Variants in PCDH15 observed in about 807,000 individuals in gnomAD.
PCDH15 encodes protocadherin related 15.
In PCDH15, 129 loss-of-function variants were observed where a neutral mutation model predicts 178.5. The observed-to-expected ratio is 0.72, with a 90% CI of 0.63 to 0.84. The LOEUF (loss-of-function observed/expected upper bound fraction) is 0.84, where lower values mean the gene tolerates loss of function less well. PCDH15 is among the 40% of genes least tolerant of loss of function. The pLI is 0.00. For missense variants in PCDH15, 2,230 were observed against 2,099.9 expected (o/e 1.06, Z -1.21); for synonymous variants, 800 against 732.0 (o/e 1.09, Z -1.50).
At chr10:54,340,257 C>A (rs1398272605) in intron 6 of PCDH15, among the ~76,000 whole-genome samples, 1 of 152,016 alleles carries the variant, frequency 6.6e-6, no homozygotes, top group Admixed American at 6.6e-5. Context: ...CAAGTGGTCT[C>A]TTTTTATTGT....
chr10:54,139,557 C>T (rs938865419), intron 14 of PCDH15, among the ~76,000 whole-genome samples: 11 of 152,068 alleles, frequency 7.2e-5, no homozygotes, highest in South Asian at 2.1e-4. Context: ...GAATGGTTCT[C>T]ATCTGTAAAA....
At chr10:55,352,702 T>C (rs1900494) in intron 2 of PCDH15, among the ~76,000 whole-genome samples, 83,698 of 151,912 alleles carry the variant, frequency 0.55, 23,606 homozygotes, top group African/African-American at 0.66. Flanking sequence ...TAAGCAAAAG[T>C]AAGGCTCCAT....
At chr10:53,951,543 C>T (rs2087047681) in intron 23 of PCDH15, among the ~76,000 whole-genome samples, 1 of 152,144 alleles carries the variant, frequency 6.6e-6, no homozygotes, top group African/African-American at 2.4e-5. Context: ...AAAATAGAAA[C>T]TGAAGGAACC....
intron 13 of PCDH15, among the ~76,000 whole-genome samples, chr10:54,173,847 A>T (rs117797242): frequency 5.4e-4 from 83 of 152,326 alleles, no homozygotes; most frequent in Admixed American, 9.8e-4. Flanking sequence ...AGAAATCAGG[A>T]TGCTCCAAGA....
chr10:54,227,678 C>A (rs1564732067), intron 9 of PCDH15, among the ~76,000 whole-genome samples: 1 of 152,192 alleles, frequency 6.6e-6, no homozygotes, highest in Non-Finnish European at 1.5e-5. Context: ...AATTATCAGG[C>A]TGTAAATATT....
At chr10:54,081,654 A>G (rs1484634612) in intron 16 of PCDH15, among the ~76,000 whole-genome samples, 2 of 152,224 alleles carry the variant, frequency 1.3e-5, no homozygotes, top group East Asian at 1.9e-4. Context: ...AGCTCACAAA[A>G]AGTCTTATTA....
intron 3 of PCDH15, among the ~76,000 whole-genome samples, chr10:54,399,217 G>A (rs1424261129): frequency 6.6e-6 from 1 of 151,962 alleles, no homozygotes; most frequent in African/African-American, 2.4e-5. Context: ...GAAGAGAGTT[G>A]CAGACAACTT....
chr10:55,323,535 G>T (rs907018623), upstream of PCDH15, among the ~76,000 whole-genome samples: 3 of 152,212 alleles, frequency 2.0e-5, no homozygotes, highest in Admixed American at 6.5e-5. Flanking sequence ...TGACCTGGAT[G>T]TGAGACATGG....
chr10:53,811,671 C>G, intron 35 of PCDH15, 52 bp from the exon 36 acceptor site: 1 of 1,195,766 alleles, frequency 8.4e-7, no homozygotes, highest in Non-Finnish European at 1.2e-6. Context: ...TATCACGTTT[C>G]AGGTCAAAGT....
At chr10:54,996,575 G>T (rs1440253882) in intron 2 of PCDH15, among the ~76,000 whole-genome samples, 1 of 152,086 alleles carries the variant, frequency 6.6e-6, no homozygotes, top group East Asian at 1.9e-4. Context: ...GTCTGTATGG[G>T]CTTGTGAGCC....
At chr10:54,820,139 T>C (rs1046584045) in intron 3 of PCDH15, among the ~76,000 whole-genome samples, 5 of 151,988 alleles carry the variant, frequency 3.3e-5, no homozygotes, top group Non-Finnish European at 7.4e-5. Context: ...GTAATCTTAG[T>C]AGGACAGGGA....
At chr10:54,429,853 G>A (rs143867106) in intron 3 of PCDH15, among the ~76,000 whole-genome samples, 17 of 152,108 alleles carry the variant, frequency 1.1e-4, no homozygotes, top group African/African-American at 4.1e-4. Flanking sequence ...TATTATTAGC[G>A]ATAAAGAGAG....
intron 1 of PCDH15, among the ~76,000 whole-genome samples, chr10:54,765,359 G>A (rs1360936689): frequency 2.0e-5 from 3 of 152,062 alleles, no homozygotes; most frequent in African/African-American, 7.2e-5. Flanking sequence ...TCTCAAACCT[G>A]TTTAGTGCAA....
intron 8 of PCDH15, among the ~76,000 whole-genome samples, chr10:54,237,266 A>T (rs533290125): frequency 6.6e-6 from 1 of 152,166 alleles, no homozygotes; most frequent in Non-Finnish European, 1.5e-5. Context: ...ATAGTTTATG[A>T]AGTAATGTTT....
At chr10:54,051,485 T>G (rs1050259467) in intron 18 of PCDH15, among the ~76,000 whole-genome samples, 4 of 152,110 alleles carry the variant, frequency 2.6e-5, no homozygotes, top group Non-Finnish European at 4.4e-5. Context: ...TAAATGTCGC[T>G]CCTGCTATGC....
At chr10:55,493,325 G>T (rs992400157) in intron 2 of PCDH15, among the ~76,000 whole-genome samples, 2 of 151,576 alleles carry the variant, frequency 1.3e-5, no homozygotes, top group African/African-American at 4.8e-5. Context: ...GGAGGACAAG[G>T]TGGGTGGATT....
chr10:53,894,574 T>C (rs1454770852), intron 26 of PCDH15, among the ~76,000 whole-genome samples: 1 of 152,188 alleles, frequency 6.6e-6, no homozygotes, highest in African/African-American at 2.4e-5. Context: ...AAGAAAATTG[T>C]CACAAAATAA....
intron 15 of PCDH15, among the ~76,000 whole-genome samples, chr10:54,123,143 T>C (rs904333855): frequency 2.0e-5 from 3 of 152,094 alleles, no homozygotes; most frequent in Admixed American, 6.6e-5. Context: ...TCGAAAGCAA[T>C]TGCAACAAAA....
At chr10:55,525,456 A>T (rs1175456444) in intron 2 of PCDH15, among the ~76,000 whole-genome samples, 1 of 151,890 alleles carries the variant, frequency 6.6e-6, no homozygotes, top group Non-Finnish European at 1.5e-5. Context: ...TTCAAGGTTG[A>T]GGCTTGTATA....
Sources: gnomAD v4.1 joint callset for allele counts (sites outside exome capture counted in the v4.1 genomes callset) on GRCh38, gnomAD v4.1.1 for gene constraint, MANE v1.5 for transcripts, NCBI Gene and HGNC (gene_info 2026-07-23, HGNC 2026-07-21) for gene names.